PDE4B: variants seen among roughly 807,000 people sequenced by gnomAD.
PDE4B encodes the protein 3',5'-cyclic-AMP phosphodiesterase 4B.
PDE4B carries 20 observed loss-of-function variants against 82.2 expected under a neutral mutation model. The ratio of observed to expected loss-of-function variants is 0.24; its 90% CI spans 0.17 to 0.35. The LOEUF is 0.35. Among genes scored for constraint, PDE4B ranks in the 10% least tolerant of loss-of-function variants. PDE4B has a pLI of 1.00. For synonymous variants in PDE4B, 320 were observed against 318.9 expected, an observed-to-expected ratio of 1.00 and a Z score of -0.04; for missense variants, 655 against 907.2, an observed-to-expected ratio of 0.72 and a Z score of 3.57.
At chr1:66,268,578 G>C (rs1655220367) in intron 7 of PDE4B, among the ~76,000 whole-genome samples, 1 of 141,148 alleles carries the variant, frequency 7.1e-6, no homozygotes, top group Admixed American at 7.6e-5. Flanking sequence ...TGAGGCAGGA[G>C]AATCTCTTGA....
chr1:66,234,338 G>C (rs1192174356), intron 3 of PDE4B, among the ~76,000 whole-genome samples: 2 of 152,132 alleles, frequency 1.3e-5, no homozygotes, highest in Non-Finnish European at 2.9e-5. Context: ...GCCAAGACTG[G>C]AGTGCAATGG....
intron 3 of PDE4B, among the ~76,000 whole-genome samples, chr1:66,101,126 C>A (rs1258442235): frequency 6.6e-6 from 1 of 152,136 alleles, no homozygotes; most frequent in Non-Finnish European, 1.5e-5. Context: ...ATGACGGTTT[C>A]CAGCTTCATC....
At chr1:65,796,895 TGCCTCA>T (rs1645637395) in intron 1 of PDE4B, among the ~76,000 whole-genome samples, 8 of 151,998 alleles carry the variant, frequency 5.3e-5, no homozygotes. Context: ...ATGATCTGCC[TGCCTCA>T]GCCTCCCAAA....
At chr1:66,262,551 T>C (rs1292136996) in intron 6 of PDE4B, among the ~76,000 whole-genome samples, 2 of 152,234 alleles carry the variant, frequency 1.3e-5, no homozygotes, top group Non-Finnish European at 2.9e-5. Context: ...ATCAGCCACG[T>C]AACTTCTTAT....
chr1:65,956,349 C>G (rs894597268), intron 3 of PDE4B, among the ~76,000 whole-genome samples: 1 of 152,124 alleles, frequency 6.6e-6, no homozygotes, highest in Non-Finnish European at 1.5e-5. Flanking sequence ...AGTTTGATTT[C>G]AATCTCTGAA....
intron 3 of PDE4B, among the ~76,000 whole-genome samples, chr1:66,002,478 G>T (rs577735690): frequency 4.3e-4 from 66 of 151,836 alleles, no homozygotes; most frequent in Non-Finnish European, 8.7e-4. Context: ...TAAATTATTG[G>T]TTTTCATTTC....
At chr1:66,370,518 A>G (rs2050710490) in intron 16 of PDE4B, among the ~76,000 whole-genome samples, 1 of 152,156 alleles carries the variant, frequency 6.6e-6, no homozygotes, top group African/African-American at 2.4e-5. Flanking sequence ...TCTCCATCTT[A>G]GGGACAGGTC....
chr1:66,209,588 G>A (rs1649859616), intron 3 of PDE4B, among the ~76,000 whole-genome samples: 1 of 152,176 alleles, frequency 6.6e-6, no homozygotes, highest in Admixed American at 6.5e-5. Context: ...CATTTGGTAA[G>A]ATTTGATTAT....
intron 3 of PDE4B, among the ~76,000 whole-genome samples, chr1:66,168,713 C>T (rs775136486): frequency 1.3e-5 from 2 of 152,190 alleles, no homozygotes; most frequent in African/African-American, 2.4e-5. Context: ...ACCTGAGTTA[C>T]ATTTCTAAAG....
chr1:65,981,893 A>T (rs1200697070), intron 3 of PDE4B, among the ~76,000 whole-genome samples: 3 of 152,170 alleles, frequency 2.0e-5, no homozygotes, highest in Non-Finnish European at 2.9e-5. Flanking sequence ...CTTAGAAAGA[A>T]CTAACTCAGC....
At chr1:65,916,420 GA>G (rs1471159298) in intron 2 of PDE4B, among the ~76,000 whole-genome samples, 3 of 151,844 alleles carry the variant, frequency 2.0e-5, no homozygotes, top group African/African-American at 7.3e-5. Context: ...TTCTAAAGAA[GA>G]AAAATATCTA....
intron 1 of PDE4B, among the ~76,000 whole-genome samples, chr1:65,809,623 T>C (rs1243310764): frequency 6.6e-6 from 1 of 152,202 alleles, no homozygotes; most frequent in African/African-American, 2.4e-5. Context: ...GTACATGATA[T>C]AGGATATTTA....
chr1:65,831,028 G>A (rs1646076110), intron 1 of PDE4B, among the ~76,000 whole-genome samples: 1 of 151,990 alleles, frequency 6.6e-6, no homozygotes, highest in Non-Finnish European at 1.5e-5. Context: ...TGCTACTAAA[G>A]CAATGCTGAG....
chr1:65,871,592 A>G (rs755884033), intron 1 of PDE4B, among the ~76,000 whole-genome samples: 30 of 152,236 alleles, frequency 2.0e-4, no homozygotes, highest in Non-Finnish European at 4.0e-4. Flanking sequence ...TAGAATTTGT[A>G]CTTTATTTTT....
At chr1:66,147,902 A>T (rs1646307884) in intron 3 of PDE4B, among the ~76,000 whole-genome samples, 1 of 152,200 alleles carries the variant, frequency 6.6e-6, no homozygotes, top group Non-Finnish European at 1.5e-5. Flanking sequence ...CAAGTCTTGC[A>T]AAAAGACAAT....
chr1:66,301,495 G>A (rs934959729), intron 7 of PDE4B, among the ~76,000 whole-genome samples: 3 of 151,852 alleles, frequency 2.0e-5, no homozygotes, highest in African/African-American at 7.3e-5. Context: ...GACTTGCCAG[G>A]ACCCTCAAGG....
At chr1:66,115,053 A>G (rs772982298) in intron 3 of PDE4B, among the ~76,000 whole-genome samples, 1 of 152,206 alleles carries the variant, frequency 6.6e-6, no homozygotes. Context: ...TTATCTTTTA[A>G]GTAATAATGT....
intron 4 of PDE4B, among the ~76,000 whole-genome samples, chr1:66,255,969 G>C (rs1223804612): frequency 5.9e-5 from 9 of 152,168 alleles, no homozygotes; most frequent in Admixed American, 5.9e-4. Flanking sequence ...CTTGAGAGCA[G>C]CCTGGGCAAC....
At chr1:66,005,962 A>G (rs948758579) in intron 3 of PDE4B, among the ~76,000 whole-genome samples, 2 of 152,192 alleles carry the variant, frequency 1.3e-5, no homozygotes, top group Non-Finnish European at 2.9e-5. Context: ...CTTATGTATT[A>G]TAGTATGAAT....
Sources: gnomAD v4.1 joint callset for allele counts (sites outside exome capture counted in the v4.1 genomes callset) on GRCh38, gnomAD v4.1.1 for gene constraint, MANE v1.5 for transcripts, NCBI Gene and HGNC (gene_info 2026-07-23, HGNC 2026-07-21) for gene names.